The following GPR158 variants were observed in gnomAD, a reference collection of about 807,000 sequenced individuals.
The protein encoded by GPR158 is G protein-coupled receptor 158.
Under a neutral mutation model 78.2 loss-of-function variants are expected in GPR158, and 30 were observed. The ratio of observed to expected loss-of-function variants is 0.38; its 90% confidence interval spans 0.29 to 0.52. GPR158 has a LOEUF of 0.52. GPR158 is among the 20% of genes least tolerant of loss of function. The pLI is 0.83. For synonymous variants in GPR158, 581 were observed against 591.1 expected (o/e 0.98, Z 0.25); for missense variants, 1,463 against 1,523.5 (o/e 0.96, Z 0.66).
chr10:25,461,311 A>T (rs544605079), intron 4 of GPR158, among the ~76,000 whole-genome samples: 1 of 152,336 alleles, frequency 6.6e-6, no homozygotes, highest in East Asian at 1.9e-4. Flanking sequence ...ATTGATGGGA[A>T]TTAAAAATGC....
chr10:25,397,014 T>G (rs1054605650), intron 3 of GPR158, among the ~76,000 whole-genome samples: 1 of 152,148 alleles, frequency 6.6e-6, no homozygotes, highest in Non-Finnish European at 1.5e-5. Context: ...GGCTGATTCC[T>G]TTTTCAAGGC....
At chr10:25,321,443 G>A (rs1214685134) in intron 2 of GPR158, among the ~76,000 whole-genome samples, 1 of 152,116 alleles carries the variant, frequency 6.6e-6, no homozygotes, top group East Asian at 1.9e-4. Flanking sequence ...TATATGAAAG[G>A]AATTAAAGAA....
Position 25,506,023 on chromosome 10 carries a change from C to T in GPR158, c.1404+39304C>T, listed in dbSNP as rs181628866. On this transcript the variant is annotated intron_variant, in intron 5 of 10. Coordinates refer to ENST00000376351, the MANE Select transcript of GPR158 (RefSeq NM_020752.3). Reference sequence around the variant, plus strand: ...TCTTAGCTTTCTTTGTGGTCCAACACGGTATCTGACACATTTTAAGCAATC... The same window carrying T: ...TCTTAGCTTTCTTTGTGGTCCAACATGGTATCTGACACATTTTAAGCAATC... Among the ~76,000 whole-genome samples the T allele has an allele frequency of 9.7e-4, 148 of 152,290 alleles. 1 individual carries two copies. Among genetic ancestry groups the T allele is most frequent in the African/African-American group, 3.2e-3 (135 of 41,560 alleles).
chr10:25,175,585 G>C lies in GPR158; in HGVS notation c.165G>C (p.Ser55=), dbSNP rs374922131. The change falls in exon 1 of 11, where the codon TCG becomes TCC. Residue 55 remains serine (S), a synonymous_variant. Coordinates refer to ENST00000376351, the MANE Select transcript of GPR158 (RefSeq NM_020752.3). This position sits in a 1 kb window ranked among gnomAD's most constrained non-coding sequence, Gnocchi z 6.4. ...AGCAGCCGGGTCGAGCCTCTGCCTC[G>C]GACTCCTCGGCTCCCTGGAGCCGCT... ...HAQQPGRASA[S]DSSAPWSRST... is the part of the protein sequence containing the mutation. 4 of 1,610,856 alleles carry C rather than the reference G, an allele frequency of 2.5e-6. No homozygotes were observed. The highest frequency in any genetic ancestry group is 3.3e-5 in the Admixed American group (2 of 60,006).
At chr10:25,183,021 A>G (rs1383977414) in intron 1 of GPR158, among the ~76,000 whole-genome samples, 1 of 152,238 alleles carries the variant, frequency 6.6e-6, no homozygotes, top group East Asian at 1.9e-4. Context: ...TTCCCAGCAC[A>G]GCAATGTCAT....
chr10:25,554,086 G>T (rs1836758126), intron 6 of GPR158, among the ~76,000 whole-genome samples: 1 of 152,108 alleles, frequency 6.6e-6, no homozygotes, highest in Non-Finnish European at 1.5e-5. Context: ...AGGATAGGGG[G>T]AATGTCACCC....
chr10:25,543,547 C>T (rs1051786236), intron 5 of GPR158, among the ~76,000 whole-genome samples: 2 of 152,132 alleles, frequency 1.3e-5, no homozygotes, highest in Non-Finnish European at 2.9e-5. Context: ...GTAATGATGA[C>T]TGGGCTTTTA....
At chr10:25,382,287 T>C (rs1336462258) in intron 2 of GPR158, among the ~76,000 whole-genome samples, 2 of 152,320 alleles carry the variant, frequency 1.3e-5, no homozygotes, top group South Asian at 2.1e-4. Flanking sequence ...CCACAAGGCA[T>C]CTTGCTGTGT....
intron 1 of GPR158, among the ~76,000 whole-genome samples, chr10:25,191,410 C>A (rs1217362315): frequency 6.6e-6 from 1 of 152,196 alleles, no homozygotes; most frequent in Non-Finnish European, 1.5e-5. Context: ...GATCCCAAAC[C>A]TGGCTGGGCA....
At chr10:25,407,886 A>G (rs1055804396) in intron 3 of GPR158, among the ~76,000 whole-genome samples, 1 of 152,140 alleles carries the variant, frequency 6.6e-6, no homozygotes, top group Admixed American at 6.5e-5. Context: ...CTTTAATTAC[A>G]TAAAGCATAT....
At chr10:25,498,288 G>A (rs1298627710) in intron 5 of GPR158, among the ~76,000 whole-genome samples, 2 of 152,160 alleles carry the variant, frequency 1.3e-5, no homozygotes, top group Non-Finnish European at 2.9e-5. Context: ...CTATGTGTGT[G>A]CGTGTTGTGT....
At chr10:25,230,217 CTA>C (rs1371522640) in intron 2 of GPR158, among the ~76,000 whole-genome samples, 1 of 152,170 alleles carries the variant, frequency 6.6e-6, no homozygotes, top group Non-Finnish European at 1.5e-5. Context: ...ATCAAAATTC[CTA>C]TCTTTCTGAT....
intron 4 of GPR158, among the ~76,000 whole-genome samples, chr10:25,428,119 A>G (rs1190519264): frequency 6.6e-6 from 1 of 152,090 alleles, no homozygotes; most frequent in Non-Finnish European, 1.5e-5. Flanking sequence ...GGATTTGTAG[A>G]TAATATAGCA....
chr10:25,594,460 A>G lies in GPR158; in HGVS notation c.1998+63A>G, dbSNP rs112588736. The G allele has an allele frequency of 4.6e-4, 322 of 699,624 alleles. 1 individual carries two copies. In the African/African-American group the frequency reaches 5.7e-3, roughly 12 times the overall value. The allele number at this position is 699,624 out of a possible 1,614,324, so 43.3% of individuals were successfully genotyped here. ...ATTTTTAATGAACATGGAGTTGTTT[A>G]TCCTATAGGCAAAAGGAGGTATGGA... is the stretch of plus-strand genomic sequence containing the variant. On this transcript the variant is annotated intron_variant, in intron 9 of 10. Transcript: ENST00000376351.
intron 2 of GPR158, among the ~76,000 whole-genome samples, chr10:25,294,929 A>C (rs1459451221): frequency 6.6e-6 from 1 of 152,248 alleles, no homozygotes; most frequent in Non-Finnish European, 1.5e-5. Context: ...ATAGAAACTA[A>C]AAATAAAAAT....
At chr10:25,418,575 T>C (rs1428766605) in intron 4 of GPR158, among the ~76,000 whole-genome samples, 4 of 151,590 alleles carry the variant, frequency 2.6e-5, no homozygotes, top group Non-Finnish European at 5.9e-5. Context: ...TTAAATATTT[T>C]TTAATTTATT....
chr10:25,430,592 T>C (rs1196799696), intron 4 of GPR158, among the ~76,000 whole-genome samples: 36 of 151,132 alleles, frequency 2.4e-4, no homozygotes, highest in East Asian at 7.7e-4. Flanking sequence ...GGAGGCATCA[T>C]GCTACCTAAC....
In GPR158 at chr10:25,196,504, C is replaced by T. The variant is rs566180656; in HGVS notation, c.902+20182C>T. Among the ~76,000 whole-genome samples, 10 of 152,184 alleles carry T rather than the reference C, an allele frequency of 6.6e-5. No individual in the cohort carries two copies. In the South Asian group the frequency reaches 2.1e-3, roughly 32 times the overall value. Reference sequence around the variant, plus strand: ...TGCCACCAGTTCTGCTAAATATGATCCTTAGTTGGTCATTATTTTTATGAT... The same window carrying T: ...TGCCACCAGTTCTGCTAAATATGATTCTTAGTTGGTCATTATTTTTATGAT... On this transcript the variant is annotated intron_variant, in intron 1 of 10. Transcript: ENST00000376351.
At position 25,466,646 on chromosome 10, in the gene GPR158, T is replaced by C. The variant is rs1163095784; in HGVS notation, c.1336-5T>C. 6.3e-7 allele frequency: 1 copy of C among 1,596,808 alleles called. No homozygotes were observed. Among genetic ancestry groups the C allele is most frequent in the Non-Finnish European group, 8.6e-7 (1 of 1,169,432 alleles). On this transcript the variant is annotated splice_region_variant and splice_polypyrimidine_tract_variant and intron_variant, in intron 4 of 10. Transcript: ENST00000376351. ...AGTAATGACGTTTTTATTTTGTTTT[T>C]TCAGAGCATCCGGGCATCGGGCCTT...
Sources: gnomAD v4.1 joint callset for allele counts (sites outside exome capture counted in the v4.1 genomes callset) on GRCh38, gnomAD v4.1.1 for gene constraint, Gnocchi (gnomAD v3.1) non-coding constraint, MANE v1.5 for transcripts, NCBI Gene and HGNC (gene_info 2026-07-23, HGNC 2026-07-21) for gene names.